Variants in RAPH1 observed in about 807,000 individuals in gnomAD.
RAPH1 encodes ras-associated and pleckstrin homology domains-containing protein 1.
RAPH1 carries 18 observed loss-of-function variants against 88.1 expected under a neutral mutation model. That is an observed-to-expected ratio of 0.20 (90% CI 0.14 to 0.30). The LOEUF (loss-of-function observed/expected upper bound fraction) is 0.30, where lower values mean the gene tolerates loss of function less well. Among genes scored for constraint, RAPH1 ranks in the 10% least tolerant of loss-of-function variants. RAPH1 has a pLI of 1.00. For synonymous variants in RAPH1, 587 were observed against 559.0 expected (o/e 1.05, Z -0.71); for missense variants, 1,448 against 1,543.2 (o/e 0.94, Z 1.03).
At chr2:203,510,644 TTAGA>T (rs1302030859) in intron 1 of RAPH1, among the ~76,000 whole-genome samples, 1 of 151,906 alleles carries the variant, frequency 6.6e-6, no homozygotes, top group African/African-American at 2.4e-5. Context: ...GTGGTGGTAG[TTAGA>T]TATAAACCAA....
intron 4 of RAPH1, among the ~76,000 whole-genome samples, chr2:203,472,127 C>CTTTTTTTTT (rs531692694): frequency 7.1e-6 from 1 of 140,714 alleles, no homozygotes; most frequent in African/African-American, 2.6e-5. Context: ...TTCTTTAGTT[C>CTTTTTTTTT]TTTTTTTTTT....
At position 203,434,311 on chromosome 2, in the gene RAPH1, C is replaced by T. The variant is rs1354595175; in HGVS notation, c.*5126G>A. On this transcript the variant is annotated 3_prime_UTR_variant, in exon 14 of 14. Transcript: ENST00000319170. The stretch of plus-strand genomic sequence containing the variant: ...TTGTATCTACCTATGGCAAAGCTCC[C>T]ACAGCCTACAAGTTGGTGTGAGCCT... 1 of 152,488 alleles carries T rather than the reference C, an allele frequency of 6.6e-6. No homozygotes were observed. Among genetic ancestry groups the T allele is most frequent in the East Asian group, 1.9e-4 (1 of 5,192 alleles). 9.4% of individuals were successfully genotyped at this position (152,488 alleles called of 1,614,324 possible). A position where few individuals can be genotyped will look rare whatever the true frequency, so the allele number is the denominator to read the frequency against.
intron 4 of RAPH1, among the ~76,000 whole-genome samples, chr2:203,485,789 G>A (rs1413725864): frequency 2.6e-5 from 4 of 152,078 alleles, no homozygotes; most frequent in Admixed American, 6.6e-5. Flanking sequence ...AGGTAAATGT[G>A]TACTACTGAC....
chr2:203,531,691 C>G (rs1690396587), intron 1 of RAPH1, among the ~76,000 whole-genome samples: 2 of 152,032 alleles, frequency 1.3e-5, no homozygotes, highest in South Asian at 4.1e-4. Flanking sequence ...CACACCACGC[C>G]CATTAGAATA....
At chr2:203,464,706 A>C (rs537008070) in intron 4 of RAPH1, among the ~76,000 whole-genome samples, 2 of 152,358 alleles carry the variant, frequency 1.3e-5, no homozygotes, top group South Asian at 2.1e-4. Context: ...GAATGAGAAG[A>C]CAAGGGATAA....
chr2:203,484,484 G>A (rs142643237), intron 4 of RAPH1, among the ~76,000 whole-genome samples: 1 of 152,046 alleles, frequency 6.6e-6, no homozygotes, highest in Non-Finnish European at 1.5e-5. Context: ...CAAAAATGTT[G>A]CATATACCCA....
In RAPH1 at chr2:203,447,376, A is replaced by C. The variant is rs2098510930; in HGVS notation, c.1633+583T>G. On this transcript the variant is annotated intron_variant, in intron 12 of 13. Coordinates refer to ENST00000319170, the MANE Select transcript of RAPH1 (RefSeq NM_213589.3). ...CACTAGGAAATGTATGTGTATATAC[A>C]CATTCTAAATTTGTTTTTACTTAAT... is the stretch of plus-strand genomic sequence containing the variant. 4 of 152,330 alleles carry C rather than the reference A, an allele frequency of 2.6e-5. No individual in the cohort carries two copies. The South Asian group carries it at 8.3e-4, about 32-fold the overall frequency. The allele number at this position is 152,330 out of a possible 1,614,324, so 9.4% of individuals were successfully genotyped here.
intron 4 of RAPH1, among the ~76,000 whole-genome samples, chr2:203,480,659 C>T (rs1480200586): frequency 1.3e-5 from 2 of 152,238 alleles, no homozygotes; most frequent in Non-Finnish European, 2.9e-5. Flanking sequence ...AAATAAAACA[C>T]TTCCTTGTGA....
intron 1 of RAPH1, among the ~76,000 whole-genome samples, chr2:203,520,608 C>T (rs903551610): frequency 6.0e-5 from 9 of 150,258 alleles, no homozygotes; most frequent in Admixed American, 1.3e-4. Flanking sequence ...GCCTGGGCAA[C>T]AAGAGTGAAG....
Position 203,510,205 on chromosome 2 carries a change from G to A in RAPH1, c.1-14852C>T, listed in dbSNP as rs573768871. On this transcript the variant is annotated intron_variant, in intron 1 of 13. Transcript: ENST00000319170. ...AAAAGATACATTTAATACTGTCGGC[G>A]CCTGCCTGTAATCCCAGCTGCTCAG... Among the ~76,000 whole-genome samples, 6 of 151,746 alleles carry A rather than the reference G, an allele frequency of 4.0e-5. No individual in the cohort carries two copies. In the East Asian group the frequency reaches 9.7e-4, roughly 25 times the overall value.
At chr2:203,526,706 CAAA>C (rs34932665) in intron 1 of RAPH1, among the ~76,000 whole-genome samples, 84 of 80,606 alleles carry the variant, frequency 1.0e-3, no homozygotes, top group African/African-American at 2.7e-3. Flanking sequence ...AACTCTGTCT[CAAA>C]AAAAAAAAAA....
intron 1 of RAPH1, among the ~76,000 whole-genome samples, chr2:203,524,565 G>A (rs1181488041): frequency 6.6e-6 from 1 of 152,130 alleles, no homozygotes; most frequent in African/African-American, 2.4e-5. Context: ...CAACAAGATC[G>A]AAGAATCTAA....
chr2:203,506,826 ATATATC>A (rs1186383818), intron 1 of RAPH1, among the ~76,000 whole-genome samples: 3 of 24,218 alleles, frequency 1.2e-4, no homozygotes, highest in Admixed American at 5.9e-4. Context: ...ATATCTATAT[ATATATC>A]TATATCTATA....
rs1031699997 is a variant in RAPH1, at chr2:203,436,125, C to G, written c.*3312G>C. Reference sequence around the variant, plus strand: ...TTGTTTTCAGTGACAAGAAAACATACATGGAAAGGGGACCCAAGACAGTTC... The same window carrying G: ...TTGTTTTCAGTGACAAGAAAACATAGATGGAAAGGGGACCCAAGACAGTTC... On this transcript the variant is annotated 3_prime_UTR_variant, in exon 14 of 14. Coordinates refer to ENST00000319170, the MANE Select transcript of RAPH1 (RefSeq NM_213589.3). 1.1e-4 allele frequency: 17 copies of G among 152,152 alleles called. No homozygotes were observed. The highest frequency in any genetic ancestry group is 3.9e-4 in the African/African-American group (16 of 41,428). 9.4% of individuals were successfully genotyped at this position (152,152 alleles called of 1,614,324 possible). A position where few individuals can be genotyped will look rare whatever the true frequency, so the allele number is the denominator to read the frequency against.
chr2:203,517,452 C>T (rs1297838959), intron 1 of RAPH1, among the ~76,000 whole-genome samples: 3 of 150,578 alleles, frequency 2.0e-5, no homozygotes, highest in East Asian at 3.9e-4. Context: ...CAGAAATGGG[C>T]AGATTCAGCA....
In RAPH1 at chr2:203,440,636, G is replaced by A; in HGVS notation, c.2554C>T (p.Pro852Ser). Residue 852 changes from proline to serine, a missense_variant, in exon 14 of 14, where the codon CCC becomes TCC. Pro to Ser is a moderately conservative substitution (Grantham distance 74, BLOSUM62 -1). Transcript: ENST00000319170. The part of the protein sequence containing the change: ...KQQSFCAKPP[P>S]SPLSPVPSVV... ...GAGGGCACCGGTGACAGTGGAGAGG[G>A]AGGGGGTTTTGCACAGAAGCTCTGT... The A allele has an allele frequency of 1.9e-6, 3 of 1,557,448 alleles. No individual in the cohort carries two copies. Among genetic ancestry groups the A allele is most frequent in the Non-Finnish European group, 2.6e-6 (3 of 1,148,064 alleles).
intron 1 of RAPH1, among the ~76,000 whole-genome samples, 161 bp from the exon 2 acceptor site, chr2:203,495,514 G>A (rs1388334896): frequency 6.6e-6 from 1 of 152,172 alleles, no homozygotes; most frequent in Non-Finnish European, 1.5e-5. Flanking sequence ...AATGGAGACA[G>A]TGTTCACAAG....
intron 4 of RAPH1, among the ~76,000 whole-genome samples, chr2:203,485,131 A>G (rs551186321): frequency 2.9e-4 from 44 of 152,234 alleles, no homozygotes; most frequent in South Asian, 4.1e-4. Flanking sequence ...GGCCAGGTGC[A>G]GTGGCTCCCA....
At chr2:203,473,846 ATTTAT>A (rs2098535185) in intron 4 of RAPH1, among the ~76,000 whole-genome samples, 1 of 151,986 alleles carries the variant, frequency 6.6e-6, no homozygotes, top group Admixed American at 6.6e-5. Context: ...CATTTTATTG[ATTTAT>A]TTTATTTCTC....
Sources: gnomAD v4.1 joint callset for allele counts (sites outside exome capture counted in the v4.1 genomes callset) on GRCh38, gnomAD v4.1.1 for gene constraint, MANE v1.5 for transcripts, NCBI Gene and HGNC (gene_info 2026-07-23, HGNC 2026-07-21) for gene names.